The following NRG1 variants were observed in gnomAD, a reference collection of about 807,000 sequenced individuals.
NRG1 encodes pro-neuregulin-1, membrane-bound isoform.
A neutral mutation model predicts 63.8 loss-of-function variants in NRG1; 18 were observed. The observed-to-expected ratio is 0.28, with a 90% CI of 0.19 to 0.42. NRG1 has a LOEUF of 0.42. Ranked by LOEUF, NRG1 falls within the 10% of genes least tolerant of loss-of-function variation. NRG1 has a pLI of 1.00. For synonymous variants in NRG1, 302 were observed against 301.3 expected (o/e 1.00, Z -0.02); for missense variants, 762 against 814.7 (o/e 0.94, Z 0.79).
chr8:32,057,354 G>A (rs1823113227), intron 1 of NRG1, among the ~76,000 whole-genome samples: 1 of 152,092 alleles, frequency 6.6e-6, no homozygotes, highest in South Asian at 2.1e-4. Context: ...ACTGGTGAAA[G>A]GCCTGGTGCG....
intron 1 of NRG1, among the ~76,000 whole-genome samples, chr8:32,283,415 A>T (rs1853123370): frequency 6.6e-6 from 1 of 152,182 alleles, no homozygotes; most frequent in African/African-American, 2.4e-5. Flanking sequence ...GGGGCAAGGT[A>T]GTATCCAGTT....
At chr8:32,647,612 C>A in intron 5 of NRG1, 1 of 1,447,020 alleles carries the variant, frequency 6.9e-7, no homozygotes, top group Non-Finnish European at 9.1e-7. Flanking sequence ...TGGACTTGGA[C>A]GATTTATCGA....
intron 1 of NRG1, among the ~76,000 whole-genome samples, chr8:32,209,108 T>C (rs1044912217): frequency 1.3e-5 from 2 of 152,180 alleles, no homozygotes; most frequent in Admixed American, 1.3e-4. Flanking sequence ...TTTCCTCATC[T>C]GAAATATAAG....
intron 5 of NRG1, among the ~76,000 whole-genome samples, chr8:32,649,723 GTCTTGTTT>G (rs1563853848): frequency 2.0e-5 from 3 of 152,078 alleles, no homozygotes; most frequent in Non-Finnish European, 2.9e-5. Flanking sequence ...GAAAAAAAAA[GTCTTGTTT>G]TCTAGGTGCA....
intron 1 of NRG1, among the ~76,000 whole-genome samples, chr8:32,448,446 T>C (rs559239132): frequency 6.6e-6 from 1 of 152,334 alleles, no homozygotes; most frequent in South Asian, 2.1e-4. Flanking sequence ...GACGTTTTCA[T>C]AATTTTTACT....
At chr8:32,069,341 C>G (rs1419992408) in intron 1 of NRG1, among the ~76,000 whole-genome samples, 1 of 152,164 alleles carries the variant, frequency 6.6e-6, no homozygotes, top group Admixed American at 6.5e-5. Flanking sequence ...TATCATTGAG[C>G]ACGGGCTTTG....
intron 1 of NRG1, among the ~76,000 whole-genome samples, chr8:31,944,093 G>T (rs1044929872): frequency 2.0e-5 from 3 of 152,126 alleles, no homozygotes; most frequent in African/African-American, 7.2e-5. Flanking sequence ...GCACTACATA[G>T]AATGACATTT....
At chr8:32,198,271 G>T (rs1843159202) in intron 1 of NRG1, among the ~76,000 whole-genome samples, 1 of 151,988 alleles carries the variant, frequency 6.6e-6, no homozygotes. Flanking sequence ...TCTGCCTCCT[G>T]GGTCCTAGCA....
At chr8:31,894,501 G>T (rs1293821440) in intron 1 of NRG1, among the ~76,000 whole-genome samples, 1 of 151,354 alleles carries the variant, frequency 6.6e-6, no homozygotes. Flanking sequence ...TAAATTGTTT[G>T]CATAGGTTAT....
intron 1 of NRG1, among the ~76,000 whole-genome samples, chr8:32,187,353 G>A (rs1842066507): frequency 6.6e-6 from 1 of 151,998 alleles, no homozygotes; most frequent in Non-Finnish European, 1.5e-5. Context: ...ATGTTACCGG[G>A]GACCTGAGGA....
chr8:32,206,643 A>AT (rs1844096084), intron 1 of NRG1, among the ~76,000 whole-genome samples: 1 of 152,164 alleles, frequency 6.6e-6, no homozygotes, highest in South Asian at 2.1e-4. Flanking sequence ...GTCCACAATT[A>AT]TTAATTTTTA....
At chr8:32,265,896 A>G (rs967132920) in intron 1 of NRG1, among the ~76,000 whole-genome samples, 6 of 152,142 alleles carry the variant, frequency 3.9e-5, no homozygotes, top group African/African-American at 1.4e-4. Context: ...TTTAGATAGC[A>G]TTTATGTTAT....
rs2129475037 is a variant in NRG1, at chr8:32,300,001, G to T, written c.38-295827G>T. Among the ~76,000 whole-genome samples the T allele has an allele frequency of 2.6e-5, 4 of 152,244 alleles. No individual in the cohort carries two copies. The South Asian group carries it at 8.3e-4, about 32-fold the overall frequency. Reference sequence around the variant, plus strand: ...GGGTTCAGATTGAATCATTTTGGATGGAGGAGAACATATAAATAATTGAAC... The same window carrying T: ...GGGTTCAGATTGAATCATTTTGGATTGAGGAGAACATATAAATAATTGAAC... On this transcript the variant is annotated intron_variant, in intron 1 of 10. Transcript: ENST00000519301.
chr8:31,802,924 G>C (rs563621338), intron 1 of NRG1, among the ~76,000 whole-genome samples: 1 of 152,272 alleles, frequency 6.6e-6, no homozygotes, highest in South Asian at 2.1e-4. Context: ...TTTTTAAAAT[G>C]TTTGGAATTA....
At position 32,752,146 on chromosome 8, in the gene NRG1, A is replaced by G. The variant is rs115872468; in HGVS notation, c.692-2226A>G. On this transcript the variant is annotated intron_variant, in intron 7 of 11. Transcript: ENST00000356819. The stretch of plus-strand genomic sequence containing the variant: ...TACCTACACTCCTATTTCTTCACCA[A>G]CTCATCACAGCCCAGGGAGCTGTGC... 4.1e-3 allele frequency among the ~76,000 whole-genome samples: 628 copies of G among 152,074 alleles called. 3 individuals are homozygous for G. The highest frequency in any genetic ancestry group is 0.014 in the African/African-American group (597 of 41,470).
intron 1 of NRG1, among the ~76,000 whole-genome samples, chr8:32,239,292 G>A (rs1461807471): frequency 6.9e-6 from 1 of 145,474 alleles, no homozygotes; most frequent in Non-Finnish European, 1.5e-5. Flanking sequence ...AAAAAAAAGT[G>A]ATACTGGAGC....
chr8:32,531,870 T>G (rs1831487178), intron 1 of NRG1, among the ~76,000 whole-genome samples: 1 of 152,162 alleles, frequency 6.6e-6, no homozygotes, highest in African/African-American at 2.4e-5. Flanking sequence ...AAATAAGTGA[T>G]AGCCAAGAAC....
chr8:32,508,205 A>G (rs747594717), intron 1 of NRG1, among the ~76,000 whole-genome samples: 1 of 152,164 alleles, frequency 6.6e-6, no homozygotes, highest in Non-Finnish European at 1.5e-5. Flanking sequence ...CAGGAGTTTG[A>G]GGTCAACCTG....
intron 1 of NRG1, among the ~76,000 whole-genome samples, chr8:32,069,091 T>C (rs1825347387): frequency 6.6e-6 from 1 of 152,184 alleles, no homozygotes; most frequent in Non-Finnish European, 1.5e-5. Context: ...GGCCAGGTGC[T>C]ATCTCCTTGA....
Sources: gnomAD v4.1 joint callset for allele counts (sites outside exome capture counted in the v4.1 genomes callset) on GRCh38, gnomAD v4.1.1 for gene constraint, MANE v1.5 for transcripts, NCBI Gene and HGNC (gene_info 2026-07-23, HGNC 2026-07-21) for gene names.